The following OR3A2 variants were observed in gnomAD, a reference collection of about 807,000 sequenced individuals.
OR3A2 encodes olfactory receptor family 3 subfamily A member 2.
For missense variants in OR3A2, 318 were observed against 392.8 expected, an observed-to-expected ratio of 0.81 and a Z score of 1.61; for synonymous variants, 126 against 159.3, an observed-to-expected ratio of 0.79 and a Z score of 1.57.
chr17:3,303,241 T>C (rs1342601489), intron 3 of OR3A2, among the ~76,000 whole-genome samples: 1 of 152,224 alleles, frequency 6.6e-6, no homozygotes, highest in African/African-American at 2.4e-5. Context: ...TTCTGTGGAA[T>C]ATCTTTATAA....
At chr17:3,305,717 AAAAG>A (rs1194815820) in intron 3 of OR3A2, among the ~76,000 whole-genome samples, 6 of 152,402 alleles carry the variant, frequency 3.9e-5, no homozygotes, top group Non-Finnish European at 8.8e-5. Flanking sequence ...TAAAGACAGT[AAAAG>A]AAAGTTGAAA....
At chr17:3,319,277 G>C (rs149816322) in intron 3 of OR3A2, among the ~76,000 whole-genome samples, 12 of 152,206 alleles carry the variant, frequency 7.9e-5, no homozygotes, top group African/African-American at 2.6e-4. Context: ...ATTTGTAAAG[G>C]ACTAGGCAGT....
intron 2 of OR3A2, among the ~76,000 whole-genome samples, chr17:3,374,533 C>T (rs79897990): frequency 0.014 from 2,192 of 152,240 alleles, 51 homozygotes; most frequent in African/African-American, 0.049. Context: ...AAAGCCATGT[C>T]TTCGAGCTCT....
In OR3A2 at chr17:3,321,233, T is replaced by C. The variant is rs548826265; in HGVS notation, c.-85+14800A>G. Among the ~76,000 whole-genome samples the C allele has an allele frequency of 8.0e-3, 1,203 of 150,334 alleles. 21 individuals are homozygous for C. Among genetic ancestry groups the C allele is most frequent in the African/African-American group, 0.028 (1,120 of 39,752 alleles). ...GTGATTTTTGTACATTGATTTTGTA[T>C]CCTGAGACTTTGCTGAAGTTGCTTA... On this transcript the variant is annotated intron_variant, in intron 3 of 4. Transcript: ENST00000573491.
chr17:3,367,601 G>GTATATATAATATATATATATATATA (rs2049575498), intron 2 of OR3A2, among the ~76,000 whole-genome samples: 2 of 122,520 alleles, frequency 1.6e-5, no homozygotes, highest in Admixed American at 8.3e-5. Context: ...GTGTGTGTGT[G>GTATATATAATATATATATATATATA]TATATATATA....
At chr17:3,366,744 G>A (rs2049567689) in intron 2 of OR3A2, among the ~76,000 whole-genome samples, 1 of 152,086 alleles carries the variant, frequency 6.6e-6, no homozygotes, top group African/African-American at 2.4e-5. Context: ...CAGTGTTCTG[G>A]GCTTTGTACT....
chr17:3,282,475 T>G (rs569593958), intron 1 of OR3A2, among the ~76,000 whole-genome samples: 4 of 151,926 alleles, frequency 2.6e-5, no homozygotes, highest in African/African-American at 9.7e-5. Flanking sequence ...TGCATCTCAC[T>G]GGAGTCTCTA....
At chr17:3,334,254 T>G (rs1245904329) in intron 3 of OR3A2, among the ~76,000 whole-genome samples, 4 of 152,148 alleles carry the variant, frequency 2.6e-5, no homozygotes, top group Admixed American at 2.6e-4. Flanking sequence ...AAGTGTACAA[T>G]TCAGTGGTAA....
chr17:3,340,610 T>C (rs1351214795), intron 2 of OR3A2, among the ~76,000 whole-genome samples: 1 of 133,096 alleles, frequency 7.5e-6, no homozygotes, highest in African/African-American at 3.0e-5. Context: ...AATTCTAATT[T>C]GATTGCACTG....
intron 2 of OR3A2, among the ~76,000 whole-genome samples, chr17:3,371,354 C>T (rs561515968): frequency 4.0e-5 from 6 of 150,138 alleles, no homozygotes; most frequent in South Asian, 2.1e-4. Context: ...CCGGACGAGG[C>T]GGCTGGCCGG....
rs780620348 is a variant in OR3A2, at chr17:3,277,970, T to G, written c.948A>C (p.Ter316CysextTer19). 10 of 1,592,810 alleles carry G rather than the reference T, an allele frequency of 6.3e-6. No homozygotes were observed. The Admixed American group carries it at 1.5e-4, about 24-fold the overall frequency. Residue 316 changes from the stop codon to cysteine, a stop_lost, in exon 2 of 2, where the codon TGA becomes TGC. Coordinates refer to ENST00000642052, the Ensembl canonical transcript of OR3A2. Reference sequence around the variant, plus strand: ...AGGAAAGGAGGGACCCCATTACCTCTCAGGTCAGTGATCTCCTCCCCAAAA... The same window carrying G: ...AGGAAAGGAGGGACCCCATTACCTCGCAGGTCAGTGATCTCCTCCCCAAAA...
At chr17:3,371,948 G>A (rs1379634741) in intron 2 of OR3A2, among the ~76,000 whole-genome samples, 239 of 150,262 alleles carry the variant, frequency 1.6e-3, no homozygotes, top group Non-Finnish European at 2.9e-3. Flanking sequence ...CCTCCCGGAC[G>A]GGGTGGCTGC....
intron 3 of OR3A2, among the ~76,000 whole-genome samples, chr17:3,325,580 T>C (rs2049164678): frequency 6.6e-6 from 1 of 152,080 alleles, no homozygotes; most frequent in Non-Finnish European, 1.5e-5. Flanking sequence ...CACACACTTG[T>C]ATTTTCTTCT....
intron 2 of OR3A2, among the ~76,000 whole-genome samples, chr17:3,346,204 T>C (rs1461577704): frequency 6.6e-6 from 1 of 152,242 alleles, no homozygotes; most frequent in Non-Finnish European, 1.5e-5. Context: ...TCTTACTTTT[T>C]AAGGCTGAAT....
chr17:3,290,223 A>C (rs967630104), intron 3 of OR3A2, among the ~76,000 whole-genome samples: 8 of 152,262 alleles, frequency 5.3e-5, no homozygotes, highest in African/African-American at 1.9e-4. Context: ...AAAACATAGA[A>C]TGGGAAGCCC....
intron 1 of OR3A2, 185 bp downstream of exon 1, chr17:3,385,940 C>A (rs968791344): frequency 5.0e-6 from 2 of 398,704 alleles, no homozygotes; most frequent in Admixed American, 8.8e-5. Context: ...ATGGCTCCGA[C>A]CAACCTCACA....
intron 3 of OR3A2, among the ~76,000 whole-genome samples, chr17:3,301,607 A>G (rs1004277653): frequency 2.0e-5 from 3 of 152,052 alleles, no homozygotes; most frequent in Non-Finnish European, 4.4e-5. Flanking sequence ...TTGTCAGATG[A>G]GTAGATTGCA....
intron 2 of OR3A2, among the ~76,000 whole-genome samples, chr17:3,337,918 A>G (rs2049285154): frequency 6.6e-6 from 1 of 152,132 alleles, no homozygotes; most frequent in African/African-American, 2.4e-5. Context: ...CTATTTCTCC[A>G]CATCCTTTCC....
intron 2 of OR3A2, among the ~76,000 whole-genome samples, chr17:3,346,786 C>T (rs2049367307): frequency 6.6e-6 from 1 of 152,128 alleles, no homozygotes; most frequent in African/African-American, 2.4e-5. Context: ...AGTGAGAACA[C>T]ATGATGTTTG....
Sources: allele counts gnomAD v4.1 joint callset (sites outside exome capture counted in the v4.1 genomes callset), GRCh38; gene constraint gnomAD v4.1.1; transcripts MANE v1.5; gene names NCBI Gene and HGNC (gene_info 2026-07-23, HGNC 2026-07-21).